The following FAM13A variants were observed in gnomAD, a reference collection of about 807,000 sequenced individuals.
FAM13A encodes protein FAM13A.
FAM13A carries 76 observed loss-of-function variants against 129.6 expected under a neutral mutation model. The observed-to-expected ratio is 0.59, with a 90% CI of 0.49 to 0.71. The LOEUF (loss-of-function observed/expected upper bound fraction) is 0.71. FAM13A is among the 30% of genes least tolerant of loss of function. The pLI, the probability that FAM13A is intolerant of heterozygous loss-of-function variation, is 0.00. For synonymous variants in FAM13A, 443 were observed against 449.9 expected (o/e 0.98, Z 0.20); for missense variants, 1,108 against 1,249.3 (o/e 0.89, Z 1.70).
intron 4 of FAM13A, among the ~76,000 whole-genome samples, chr4:88,974,488 A>T (rs1560607474): frequency 6.6e-6 from 1 of 151,740 alleles, no homozygotes. Flanking sequence ...TTAATTTTTA[A>T]TTTTTTTGAG....
chr4:89,019,473 G>C (rs1481002757), intron 3 of FAM13A, among the ~76,000 whole-genome samples: 1 of 152,084 alleles, frequency 6.6e-6, no homozygotes, highest in Non-Finnish European at 1.5e-5. Flanking sequence ...TAAAAAGCGA[G>C]TTCCTGGCCA....
chr4:88,787,491 C>T (rs1425636743), intron 10 of FAM13A, among the ~76,000 whole-genome samples: 1 of 152,074 alleles, frequency 6.6e-6, no homozygotes, highest in Admixed American at 6.6e-5. Flanking sequence ...TATGAGGAAG[C>T]CATAGGGTGT....
At chr4:88,931,876 C>T (rs1478714526) in intron 5 of FAM13A, among the ~76,000 whole-genome samples, 1 of 152,184 alleles carries the variant, frequency 6.6e-6, no homozygotes, top group Non-Finnish European at 1.5e-5. Flanking sequence ...GTCATTCTCA[C>T]TATGTAAGTT....
chr4:88,897,922 A>T (rs1746618520), intron 6 of FAM13A, among the ~76,000 whole-genome samples: 1 of 152,160 alleles, frequency 6.6e-6, no homozygotes, highest in Non-Finnish European at 1.5e-5. Context: ...TAGTTTGCTC[A>T]TGTAAACTTA....
chr4:88,912,338 C>A (rs1422345051), intron 5 of FAM13A, among the ~76,000 whole-genome samples: 1 of 152,026 alleles, frequency 6.6e-6, no homozygotes, highest in Non-Finnish European at 1.5e-5. Context: ...GCTGGGGCAC[C>A]CATCTTCCCC....
chr4:88,890,913 T>C (rs1226794491), intron 6 of FAM13A, among the ~76,000 whole-genome samples: 3 of 152,112 alleles, frequency 2.0e-5, no homozygotes, highest in Non-Finnish European at 4.4e-5. Context: ...CCTAGAACAC[T>C]TATCAAAACA....
chr4:88,892,181 T>C (rs1233132458), intron 6 of FAM13A, among the ~76,000 whole-genome samples: 1 of 143,070 alleles, frequency 7.0e-6, no homozygotes, highest in Non-Finnish European at 1.5e-5. Flanking sequence ...GTCTTTTTTT[T>C]TTTTTTTTTT....
At chr4:88,918,636 C>T (rs1012156590) in intron 5 of FAM13A, among the ~76,000 whole-genome samples, 1 of 152,214 alleles carries the variant, frequency 6.6e-6, no homozygotes, top group Non-Finnish European at 1.5e-5. Context: ...TACAGTCTTT[C>T]TTGTACAAGC....
Position 88,837,635 on chromosome 4 carries a change from T to A in FAM13A, c.1007+13385A>T, listed in dbSNP as rs185666848. On this transcript the variant is annotated intron_variant, in intron 7 of 23. Transcript: ENST00000264344. ...TGGGAGGCTGAGGCAGGAGAATCGC[T>A]TGAGCCTGGGAGGCGGAGGTTGCGG... Among the ~76,000 whole-genome samples, 11 of 149,838 alleles carry A rather than the reference T, an allele frequency of 7.3e-5. No homozygotes were observed. The East Asian group carries it at 1.4e-3, about 19-fold the overall frequency.
chr4:89,014,050 C>T (rs1230909278), intron 3 of FAM13A, among the ~76,000 whole-genome samples: 1 of 152,156 alleles, frequency 6.6e-6, no homozygotes, highest in South Asian at 2.1e-4. Flanking sequence ...TGTGCCTGAG[C>T]TGCTGGGGTA....
chr4:88,910,559 C>T (rs1281502473), intron 5 of FAM13A, among the ~76,000 whole-genome samples: 2 of 152,056 alleles, frequency 1.3e-5, no homozygotes, highest in Admixed American at 6.5e-5. Flanking sequence ...CACTACCTCC[C>T]TCCTCTTCCA....
At chr4:88,891,217 G>T (rs1419746181) in intron 6 of FAM13A, among the ~76,000 whole-genome samples, 2 of 152,130 alleles carry the variant, frequency 1.3e-5, no homozygotes, top group East Asian at 3.9e-4. Context: ...GAGCTTAGGA[G>T]TTTTGAGACC....
At chr4:88,753,777 A>AC (rs1030102417) in intron 14 of FAM13A, 1 of 180,790 alleles carries the variant, frequency 5.5e-6, no homozygotes, top group Non-Finnish European at 1.1e-5. Context: ...ATCTAAAAGC[A>AC]CAAGGCTCAT....
At chr4:88,986,952 C>T (rs879473316) in intron 4 of FAM13A, among the ~76,000 whole-genome samples, 50 of 152,168 alleles carry the variant, frequency 3.3e-4, no homozygotes, top group Admixed American at 2.6e-4. Context: ...ATGCAAATAA[C>T]TTAGCACCCA....
chr4:89,020,296 T>TG (rs1767083847), intron 3 of FAM13A, among the ~76,000 whole-genome samples, 164 bp downstream of exon 3: 7 of 145,956 alleles, frequency 4.8e-5, no homozygotes, highest in South Asian at 2.1e-4. Context: ...TTTTTTTTTT[T>TG]GTAGAGATGG....
intron 8 of FAM13A, among the ~76,000 whole-genome samples, chr4:88,801,130 G>A (rs1727380049): frequency 6.6e-6 from 1 of 152,230 alleles, no homozygotes; most frequent in Non-Finnish European, 1.5e-5. Context: ...AAATGCTTTA[G>A]AAAGAAGTTT....
chr4:88,918,584 A>G (rs539543181), intron 5 of FAM13A, among the ~76,000 whole-genome samples: 1 of 152,366 alleles, frequency 6.6e-6, no homozygotes, highest in Admixed American at 6.5e-5. Flanking sequence ...GTAAGTCCCA[A>G]AGTAAACTAA....
intron 1 of FAM13A, chr4:89,030,028 T>C (rs2149130808): frequency 5.9e-6 from 1 of 170,130 alleles, no homozygotes; most frequent in Non-Finnish European, 1.2e-5. Flanking sequence ...GAGATGTTTC[T>C]AAAGACAAAA....
intron 1 of FAM13A, among the ~76,000 whole-genome samples, chr4:89,044,634 G>A (rs1770599200): frequency 6.6e-6 from 1 of 152,074 alleles, no homozygotes; most frequent in Non-Finnish European, 1.5e-5. Context: ...GTTCATAGCA[G>A]CATTATTCAC....
Sources: gnomAD v4.1 joint callset for allele counts (sites outside exome capture counted in the v4.1 genomes callset) on GRCh38, gnomAD v4.1.1 for gene constraint, MANE v1.5 for transcripts, NCBI Gene and HGNC (gene_info 2026-07-23, HGNC 2026-07-21) for gene names.